RFTN2: variants seen among roughly 807,000 people sequenced by gnomAD.
The protein encoded by RFTN2 is raftlin family member 2.
RFTN2 carries 34 observed loss-of-function variants against 52.7 expected under a neutral mutation model. That is an observed-to-expected ratio of 0.64 (90% CI 0.49 to 0.86). The LOEUF (loss-of-function observed/expected upper bound fraction) is 0.86, where lower values mean the gene tolerates loss of function less well. Ranked by LOEUF, RFTN2 falls within the 40% of genes least tolerant of loss-of-function variation. RFTN2 has a pLI of 0.00. For missense variants in RFTN2, 536 were observed against 600.1 expected (o/e 0.89, Z 1.12); for synonymous variants, 203 against 217.7 (o/e 0.93, Z 0.59).
chr2:197,599,856 T>G (rs1462801930), intron 7 of RFTN2, among the ~76,000 whole-genome samples: 1 of 151,598 alleles, frequency 6.6e-6, no homozygotes, highest in African/African-American at 2.4e-5. Context: ...CTTGATTTTA[T>G]TTTATATTTT....
intron 5 of RFTN2, among the ~76,000 whole-genome samples, chr2:197,624,455 G>C (rs544002456): frequency 6.6e-6 from 1 of 151,706 alleles, no homozygotes; most frequent in Non-Finnish European, 1.5e-5. Context: ...AAAATTAGCC[G>C]GGCGTGGTGG....
At position 197,569,354 on chromosome 2, in the gene RFTN2, A is replaced by G. The variant is rs540424193; in HGVS notation, c.*2654T>C. The G allele has an allele frequency of 6.6e-6, 1 of 152,370 alleles. No individual in the cohort carries two copies. The highest frequency in any genetic ancestry group is 2.1e-4 in the South Asian group (1 of 4,832). The allele number at this position is 152,370 out of a possible 1,614,324, so 9.4% of individuals were successfully genotyped here. A position where few individuals can be genotyped will look rare whatever the true frequency, so the allele number is the denominator to read the frequency against. ...ATTAGACATATTTAACTCCTTAGGC[A>G]TAGAGAGCCCAAGTTTTTTTCTTTT... On this transcript the variant is annotated 3_prime_UTR_variant, in exon 9 of 9. Transcript: ENST00000295049.
At chr2:197,625,432 T>A (rs896907529) in intron 5 of RFTN2, among the ~76,000 whole-genome samples, 2 of 152,098 alleles carry the variant, frequency 1.3e-5, no homozygotes, top group African/African-American at 2.4e-5. Context: ...TTTTTTTGGT[T>A]CCCCTGTCAT....
intron 2 of RFTN2, 124 bp downstream of exon 2, chr2:197,646,359 A>G (rs2088748153): frequency 1.5e-6 from 1 of 686,574 alleles, no homozygotes; most frequent in Non-Finnish European, 2.4e-6. Context: ...ACTGCTGGAA[A>G]ATGTGCTTTA....
intron 8 of RFTN2, 102 bp from the exon 9 acceptor site, chr2:197,572,382 T>C: frequency 8.7e-7 from 1 of 1,151,668 alleles, no homozygotes; most frequent in South Asian, 1.4e-5. Flanking sequence ...GAATGTCCTT[T>C]TCCCCAGCTC....
At chr2:197,638,314 G>C (rs1388468006) in intron 3 of RFTN2, among the ~76,000 whole-genome samples, 1 of 102,522 alleles carries the variant, frequency 9.8e-6, no homozygotes, top group Admixed American at 1.1e-4. Flanking sequence ...CTGTCTCGTT[G>C]ATCTGTCTAA....
chr2:197,630,375 C>CT (rs1175476384), intron 5 of RFTN2, among the ~76,000 whole-genome samples: 1 of 151,904 alleles, frequency 6.6e-6, no homozygotes, highest in Non-Finnish European at 1.5e-5. Flanking sequence ...TTTCCTTTTT[C>CT]TTTTTTTAAC....
At chr2:197,591,134 C>T (rs2087705656) in intron 8 of RFTN2, among the ~76,000 whole-genome samples, 1 of 152,068 alleles carries the variant, frequency 6.6e-6, no homozygotes, top group African/African-American at 2.4e-5. Flanking sequence ...AAAAGTTCTC[C>T]ACCTTCCCCA....
chr2:197,581,085 A>G (rs552711971), intron 8 of RFTN2, among the ~76,000 whole-genome samples: 6 of 152,006 alleles, frequency 3.9e-5, no homozygotes, highest in African/African-American at 1.4e-4. Context: ...AATCACCCTT[A>G]CCCTGCTCAA....
intron 1 of RFTN2, among the ~76,000 whole-genome samples, chr2:197,647,879 A>T (rs2088775440): frequency 6.7e-6 from 1 of 149,996 alleles, no homozygotes; most frequent in Admixed American, 6.6e-5. Flanking sequence ...AAAGGAAAAG[A>T]GTGTGTTATT....
rs542373264 is a variant in RFTN2, at chr2:197,654,394, TAAAAC to T, written c.140-7733_140-7729del. On this transcript the variant is annotated intron_variant, in intron 1 of 8. Transcript: ENST00000295049. ...TGGACAATAAAGTGAGCCTCTGTCT[TAAAAC>T]AAACAAAAAAATCAAAAACAAAAAA... 4.7e-3 allele frequency among the ~76,000 whole-genome samples: 716 copies of T among 151,768 alleles called. 2 individuals are homozygous for T. Among genetic ancestry groups the T allele is most frequent in the Non-Finnish European group, 7.7e-3 (521 of 67,890 alleles).
chr2:197,621,128 T>C (rs2088256557), intron 5 of RFTN2, among the ~76,000 whole-genome samples: 1 of 152,150 alleles, frequency 6.6e-6, no homozygotes. Flanking sequence ...ATCAAATTTG[T>C]TTCTGATTGA....
intron 4 of RFTN2, among the ~76,000 whole-genome samples, chr2:197,631,595 T>C (rs1174908644): frequency 6.6e-6 from 1 of 152,234 alleles, no homozygotes; most frequent in African/African-American, 2.4e-5. Context: ...AATTGACCTT[T>C]TGTTCAACAT....
chr2:197,646,688 G>T (rs767893600), intron 1 of RFTN2, 22 bp from the exon 2 acceptor site: 3 of 1,565,254 alleles, frequency 1.9e-6, no homozygotes, highest in South Asian at 2.2e-5. Flanking sequence ...AAAGCAAAGA[G>T]AAATTTGCAT....
At chr2:197,611,239 T>C (rs2088054391) in intron 7 of RFTN2, among the ~76,000 whole-genome samples, 1 of 152,152 alleles carries the variant, frequency 6.6e-6, no homozygotes. Flanking sequence ...ATCCGTCTGG[T>C]CCTGGACTTT....
At chr2:197,641,534 T>C (rs1334492470) in intron 3 of RFTN2, among the ~76,000 whole-genome samples, 3 of 152,202 alleles carry the variant, frequency 2.0e-5, no homozygotes, top group Non-Finnish European at 4.4e-5. Flanking sequence ...CTTTTTTCTA[T>C]TACTAGGAAC....
chr2:197,622,751 T>C (rs1440661615), intron 5 of RFTN2, among the ~76,000 whole-genome samples: 1 of 152,206 alleles, frequency 6.6e-6, no homozygotes, highest in Non-Finnish European at 1.5e-5. Context: ...CTAATGCAGC[T>C]GGTGACTTTA....
intron 8 of RFTN2, chr2:197,587,967 C>T (rs1188852113): frequency 4.5e-5 from 21 of 470,504 alleles, no homozygotes; most frequent in African/African-American, 1.2e-4. Context: ...ATAGCTGGCC[C>T]GGAACTGTAG....
At chr2:197,582,951 C>T (rs13432073) in intron 8 of RFTN2, among the ~76,000 whole-genome samples, 1,736 of 152,280 alleles carry the variant, frequency 0.011, 30 homozygotes, top group African/African-American at 0.039. Flanking sequence ...CCCACCTACT[C>T]CCCCACTGAA....
Sources: gnomAD v4.1 joint callset for allele counts (sites outside exome capture counted in the v4.1 genomes callset) on GRCh38, gnomAD v4.1.1 for gene constraint, MANE v1.5 for transcripts, NCBI Gene and HGNC (gene_info 2026-07-23, HGNC 2026-07-21) for gene names.